Variants in CUX1 observed in about 807,000 individuals in gnomAD.
CUX1 encodes protein CASP.
A neutral mutation model predicts 158.8 loss-of-function variants in CUX1; 31 were observed. The ratio of observed to expected loss-of-function variants is 0.20; its 90% CI spans 0.15 to 0.26. CUX1 has a LOEUF of 0.26. Ranked by LOEUF, CUX1 falls within the 10% of genes least tolerant of loss-of-function variation. The probability of loss-of-function intolerance (pLI) is 1.00; values close to 1 mark genes in which losing one functional copy is unlikely to be tolerated. For synonymous variants in CUX1, 879 were observed against 862.1 expected, an observed-to-expected ratio of 1.02 and a Z score of -0.34; for missense variants, 1,589 against 2,014.6, an observed-to-expected ratio of 0.79 and a Z score of 4.04.
chr7:101,938,277 T>C (rs1331570243), intron 2 of CUX1, among the ~76,000 whole-genome samples: 1 of 152,136 alleles, frequency 6.6e-6, no homozygotes, highest in African/African-American at 2.4e-5. Flanking sequence ...CACACCCAGC[T>C]AATTTTTTGC....
chr7:102,047,920 T>C (rs1052878242), intron 3 of CUX1, among the ~76,000 whole-genome samples: 1 of 152,090 alleles, frequency 6.6e-6, no homozygotes, highest in Non-Finnish European at 1.5e-5. Flanking sequence ...GGAGGGAGCA[T>C]AGGATGCAGT....
At chr7:101,854,035 T>C (rs1369658079) in intron 1 of CUX1, among the ~76,000 whole-genome samples, 1 of 152,126 alleles carries the variant, frequency 6.6e-6, no homozygotes, top group Non-Finnish European at 1.5e-5. Context: ...TTCCAGTGCT[T>C]TCCAGCGCTT....
At chr7:102,138,191 A>C (rs1220486745) in intron 8 of CUX1, among the ~76,000 whole-genome samples, 1 of 152,240 alleles carries the variant, frequency 6.6e-6, no homozygotes, top group African/African-American at 2.4e-5. Context: ...CTCCAAAAAC[A>C]AAAAGTCTAG....
intron 1 of CUX1, among the ~76,000 whole-genome samples, chr7:101,890,111 A>G (rs1285927463): frequency 6.6e-6 from 1 of 152,156 alleles, no homozygotes; most frequent in African/African-American, 2.4e-5. Flanking sequence ...GCGAGGAAAA[A>G]CACTGGCTGA....
chr7:102,085,935 C>G (rs1554480313), intron 4 of CUX1, among the ~76,000 whole-genome samples: 1 of 152,156 alleles, frequency 6.6e-6, no homozygotes, highest in African/African-American at 2.4e-5. Context: ...TACAAATTAA[C>G]TTCTTTAACA....
At chr7:102,109,079 T>C (rs1554489366) in intron 6 of CUX1, among the ~76,000 whole-genome samples, 1 of 152,166 alleles carries the variant, frequency 6.6e-6, no homozygotes, top group African/African-American at 2.4e-5. Context: ...AGGATTTAAA[T>C]ATTATAATTT....
intron 3 of CUX1, among the ~76,000 whole-genome samples, chr7:102,041,812 T>C (rs1206008620): frequency 6.6e-6 from 1 of 151,662 alleles, no homozygotes; most frequent in African/African-American, 2.4e-5. Flanking sequence ...GGACTACAGG[T>C]GCACACCACT....
chr7:101,921,465 T>TTTATTTAC (rs1334166449), intron 2 of CUX1, among the ~76,000 whole-genome samples: 7 of 151,958 alleles, frequency 4.6e-5, no homozygotes, highest in East Asian at 1.9e-4. Context: ...TATTTATTTA[T>TTTATTTAC]TTACTTATTT....
At chr7:101,880,349 G>A (rs568632233) in intron 1 of CUX1, among the ~76,000 whole-genome samples, 11 of 152,212 alleles carry the variant, frequency 7.2e-5, no homozygotes, top group Non-Finnish European at 1.6e-4. Flanking sequence ...CAATGAGGAC[G>A]GTGTGCGTTC....
chr7:102,122,700 G>A (rs1421674270), intron 8 of CUX1, among the ~76,000 whole-genome samples: 2 of 152,190 alleles, frequency 1.3e-5, no homozygotes, highest in Non-Finnish European at 2.9e-5. Context: ...GTGGCCCCCA[G>A]ACATGGCTAG....
intron 14 of CUX1, among the ~76,000 whole-genome samples, chr7:102,267,869 T>C (rs1200239180): frequency 2.6e-5 from 4 of 152,132 alleles, no homozygotes; most frequent in African/African-American, 9.7e-5. Context: ...CGTTTTGCCA[T>C]GTTGCCCGTG....
chr7:101,857,790 C>T (rs1797029319), intron 1 of CUX1, among the ~76,000 whole-genome samples: 1 of 152,098 alleles, frequency 6.6e-6, no homozygotes, highest in African/African-American at 2.4e-5. Flanking sequence ...TTAGCTCTTC[C>T]TCCTGGTGTA....
chr7:102,239,667 G>T, intron 23 of CUX1, 83 bp downstream of exon 23: 1 of 1,502,002 alleles, frequency 6.7e-7, no homozygotes, highest in African/African-American at 1.4e-5. Context: ...GCGCACAGGG[G>T]TGAGGCTGGG....
intron 20 of CUX1, 59 bp from the exon 21 acceptor site, chr7:102,227,308 A>G: frequency 7.0e-7 from 1 of 1,437,014 alleles, no homozygotes. Context: ...AGGAACGTAG[A>G]TGGTCGTGGT....
At chr7:102,033,617 T>G (rs1184430914) in intron 3 of CUX1, among the ~76,000 whole-genome samples, 1 of 152,178 alleles carries the variant, frequency 6.6e-6, no homozygotes, top group African/African-American at 2.4e-5. Flanking sequence ...CCAAAATTGA[T>G]TAAAGAAGAA....
Position 102,250,700 on chromosome 7 carries a change from G to A in CUX1, c.*1658G>A, listed in dbSNP as rs1586445818. ...TATGCACAGTTTTAGGGCAGTCTAA[G>A]TACAAACTGAAAGTCTAACTTGTCT... On this transcript the variant is annotated 3_prime_UTR_variant, in exon 24 of 24. Coordinates refer to ENST00000292535, the MANE Select transcript of CUX1 (RefSeq NM_181552.4). 1 of 985,368 alleles carries A rather than the reference G, an allele frequency of 1.0e-6. No individual in the cohort carries two copies. Among genetic ancestry groups the A allele is most frequent in the South Asian group, 4.7e-5 (1 of 21,284 alleles). 61.0% of individuals were successfully genotyped at this position (985,368 alleles called of 1,614,324 possible).
At position 101,884,965 on chromosome 7, in the gene CUX1, T is replaced by C. The variant is rs149822052; in HGVS notation, c.31-31150T>C. ...ACTGTGAGCCCTCACTCGGCCACCTTTTCATTTCCTCGCTGGGTTCCAGGC... is the reference window on the plus strand; with the variant it reads ...ACTGTGAGCCCTCACTCGGCCACCTCTTCATTTCCTCGCTGGGTTCCAGGC... On this transcript the variant is annotated intron_variant, in intron 1 of 23. Coordinates refer to ENST00000292535, the MANE Select transcript of CUX1 (RefSeq NM_181552.4). Among the ~76,000 whole-genome samples the C allele has an allele frequency of 5.6e-4, 85 of 152,264 alleles. 1 individual carries two copies. The East Asian group carries it at 0.016, about 29-fold the overall frequency.
intron 2 of CUX1, among the ~76,000 whole-genome samples, chr7:101,958,258 C>T (rs1175072230): frequency 6.6e-6 from 1 of 152,076 alleles, no homozygotes; most frequent in African/African-American, 2.4e-5. Context: ...CTGGTGTGTG[C>T]TGTGTAAGTC....
chr7:102,254,379 A>T lies in CUX1; in HGVS notation c.*5337A>T. 1.0e-6 allele frequency: 1 copy of T among 985,074 alleles called. No homozygotes were observed. The highest frequency in any genetic ancestry group is 1.2e-6 in the Non-Finnish European group (1 of 829,882). The allele number at this position is 985,074 out of a possible 1,614,324, so 61.0% of individuals were successfully genotyped here. A position where few individuals can be genotyped will look rare whatever the true frequency, so the allele number is the denominator to read the frequency against. ...GCATGGTTTTAGCGTCACTGCGAAC[A>T]CTCCTTTGCAAACATCAAACATCTC... On this transcript the variant is annotated 3_prime_UTR_variant, in exon 24 of 24. Coordinates refer to ENST00000292535, the MANE Select transcript of CUX1 (RefSeq NM_181552.4).
Sources: gnomAD v4.1 joint callset for allele counts (sites outside exome capture counted in the v4.1 genomes callset) on GRCh38, gnomAD v4.1.1 for gene constraint, MANE v1.5 for transcripts, NCBI Gene and HGNC (gene_info 2026-07-23, HGNC 2026-07-21) for gene names.